Variants in PLEKHG3 observed in about 807,000 individuals in gnomAD.
PLEKHG3 encodes pleckstrin homology and RhoGEF domain containing G3, also known as pleckstrin homology domain-containing family G member 3.
A neutral mutation model predicts 94.9 loss-of-function variants in PLEKHG3; 62 were observed. That is an observed-to-expected ratio of 0.65 (90% CI 0.53 to 0.81). The LOEUF (loss-of-function observed/expected upper bound fraction) is 0.81, where lower values mean the gene tolerates loss of function less well. Ranked by LOEUF, PLEKHG3 falls within the 30% of genes least tolerant of loss-of-function variation. The pLI is 0.00. For missense variants in PLEKHG3, 1,461 were observed against 1,619.3 expected, an observed-to-expected ratio of 0.90 and a Z score of 1.68; for synonymous variants, 614 against 654.0, an observed-to-expected ratio of 0.94 and a Z score of 0.93.
Position 64,749,216 on chromosome 14 carries a change from C to CGACCGGCG in PLEKHG3, c.*5515_*5522dup. On this transcript the variant is annotated 3_prime_UTR_variant, in exon 17 of 17. Transcript: ENST00000247226. The surrounding 1 kb of genome is among the most constrained non-coding windows in gnomAD (Gnocchi z 4.7). ...GCCCGCGACTCGACTCATCTCGATT[C>CGACCGGCG]GACCGGCGGGCGGCGGCGAGAGGAG... The CGACCGGCG allele has an allele frequency of 6.8e-7, 1 of 1,473,666 alleles. No individual in the cohort carries two copies. Among genetic ancestry groups the CGACCGGCG allele is most frequent in the South Asian group, 1.2e-5 (1 of 82,380 alleles). 91.3% of individuals were successfully genotyped at this position (1,473,666 alleles called of 1,614,324 possible).
In PLEKHG3 at chr14:64,720,072, T is replaced by C. The variant is rs926591374; in HGVS notation, c.-39-7521T>C. Among the ~76,000 whole-genome samples, 1 of 152,236 alleles carries C rather than the reference T, an allele frequency of 6.6e-6. No homozygotes were observed. The highest frequency in any genetic ancestry group is 1.5e-5 in the Non-Finnish European group (1 of 68,038). Reference sequence around the variant, plus strand: ...ACTGGCTGTGAACAAGAGCAATTTATAATAAACAATACTTGCCCCCATTTG... The same window carrying C: ...ACTGGCTGTGAACAAGAGCAATTTACAATAAACAATACTTGCCCCCATTTG... On this transcript the variant is annotated intron_variant, in intron 1 of 16. Transcript: ENST00000247226. This position sits in a 1 kb window ranked among gnomAD's most constrained non-coding sequence, Gnocchi z 4.1.
rs2081167558 is a variant in PLEKHG3, at chr14:64,716,603, A to G, written c.-39-10990A>G. Reference sequence around the variant, plus strand: ...CTGATGTTTCCTTTTCCCAGAATCCACAGAGGGTGGTTGTTTTGGATCAAA... The same window carrying G: ...CTGATGTTTCCTTTTCCCAGAATCCGCAGAGGGTGGTTGTTTTGGATCAAA... On this transcript the variant is annotated intron_variant, in intron 1 of 16. Transcript: ENST00000247226. The surrounding 1 kb of genome is among the most constrained non-coding windows in gnomAD (Gnocchi z 5.0). Among the ~76,000 whole-genome samples the G allele has an allele frequency of 6.6e-6, 1 of 151,388 alleles. No individual in the cohort carries two copies. Among genetic ancestry groups the G allele is most frequent in the East Asian group, 2.0e-4 (1 of 5,074 alleles).
In PLEKHG3 at chr14:64,742,097, G is replaced by C. The variant is rs768021591; in HGVS notation, c.2580G>C (p.Glu860Asp). Residue 860 changes from glutamate to aspartate, a missense_variant, in exon 16 of 17, where the codon GAG (glutamate) becomes GAC (aspartate). By Grantham distance (45) the Glu-to-Asp change is conservative. Coordinates refer to ENST00000247226, the MANE Select transcript of PLEKHG3 (RefSeq NM_001308147.2). ...ATGAGCTGGGAGCCATCACAGAGGAGTCGGCCACTGCCTCCCCGGAAAGCT... is the reference window on the plus strand; with the variant it reads ...ATGAGCTGGGAGCCATCACAGAGGACTCGGCCACTGCCTCCCCGGAAAGCT... ...EEHELGAITE[E>D]SATASPESSS... 1.9e-6 allele frequency: 3 copies of C among 1,610,238 alleles called. No individual in the cohort carries two copies. The highest frequency in any genetic ancestry group is 2.5e-6 in the Non-Finnish European group (3 of 1,179,654).
intron 1 of PLEKHG3, among the ~76,000 whole-genome samples, chr14:64,707,789 G>C (rs2080995662): frequency 6.6e-6 from 1 of 152,194 alleles, no homozygotes; most frequent in African/African-American, 2.4e-5. Context: ...GACACACCTT[G>C]GTTTCAAATC....
At chr14:64,729,628 G>T (rs1009106637) in intron 3 of PLEKHG3, among the ~76,000 whole-genome samples, 5 of 152,190 alleles carry the variant, frequency 3.3e-5, no homozygotes, top group Non-Finnish European at 5.9e-5. Context: ...CACTGCTCTG[G>T]AGGGGCAGGG....
At position 64,739,716 on chromosome 14, in the gene PLEKHG3, G is replaced by C. The variant is rs560828408; in HGVS notation, c.1518+861G>C. 6.6e-6 allele frequency among the ~76,000 whole-genome samples: 1 copy of C among 152,236 alleles called. No individual in the cohort carries two copies. Among genetic ancestry groups the C allele is most frequent in the Non-Finnish European group, 1.5e-5 (1 of 68,040 alleles). On this transcript the variant is annotated intron_variant, in intron 15 of 16. Transcript: ENST00000247226. The surrounding 1 kb of genome is among the most constrained non-coding windows in gnomAD (Gnocchi z 4.1). ...CTGGGGAGGGCTTGCCCTCTGCTTC[G>C]TAGATGGTGGCTTCTTGCTGTGTCC...
rs745532100 is a variant in PLEKHG3, at chr14:64,742,077, C to A, written c.2560C>A (p.Leu854Met). 3 of 1,608,764 alleles carry A rather than the reference C, an allele frequency of 1.9e-6. No homozygotes were observed. The Admixed American group carries it at 5.0e-5, about 27-fold the overall frequency. ...EPLFILEEHE[L>M]GAITEESATA... is the part of the protein sequence containing the mutation. ...ACTCTTCATCCTGGAGGAGCATGAG[C>A]TGGGAGCCATCACAGAGGAGTCGGC... The change falls in exon 16 of 17, where the codon CTG (leucine) becomes ATG (methionine). Residue 854 changes from leucine (L) to methionine (M), a missense_variant. By Grantham distance (15) the Leu-to-Met change is conservative (BLOSUM62 2). Transcript: ENST00000247226.
rs1054010635 is a variant in PLEKHG3 at position 64,717,723 on chromosome 14, G to A, written c.-39-9870G>A. ...CTAGCTAATGTTCCCTCGATCTCTC[G>A]CTCCTCCTCGAAGCTGTCTCTGAAT... On this transcript the variant is annotated intron_variant, in intron 1 of 16. Transcript: ENST00000247226. The surrounding 1 kb of genome is among the most constrained non-coding windows in gnomAD (Gnocchi z 4.7). 2.0e-5 allele frequency among the ~76,000 whole-genome samples: 3 copies of A among 152,132 alleles called. No individual in the cohort carries two copies. Among genetic ancestry groups the A allele is most frequent in the East Asian group, 3.8e-4 (2 of 5,198 alleles).
chr14:64,749,412 C>G lies in PLEKHG3; in HGVS notation c.*5709C>G. Reference sequence around the variant, plus strand: ...CAGGGGCAGGCTCTGCGCCTTGACGCGGATGCTCTGGGACTCGTTGATGGC... The same window carrying G: ...CAGGGGCAGGCTCTGCGCCTTGACGGGGATGCTCTGGGACTCGTTGATGGC... On this transcript the variant is annotated 3_prime_UTR_variant, in exon 17 of 17. Coordinates refer to ENST00000247226, the MANE Select transcript of PLEKHG3 (RefSeq NM_001308147.2). This position sits in a 1 kb window ranked among gnomAD's most constrained non-coding sequence, Gnocchi z 4.7. 6.2e-7 allele frequency: 1 copy of G among 1,607,496 alleles called. No individual in the cohort carries two copies. The highest frequency in any genetic ancestry group is 8.5e-7 in the Non-Finnish European group (1 of 1,179,702).
rs751853906 is a variant in PLEKHG3, at chr14:64,742,039, A to G, written c.2522A>G (p.Asp841Gly). Residue 841 changes from aspartate to glycine, a missense_variant, in exon 16 of 17, where the codon GAC becomes GGC. Around this residue, in one of 3 missense-constraint regions of PLEKHG3, gnomAD observed 1,201 missense variants for 1,295.5 expected, o/e 0.93. Transcript: ENST00000247226. ...GGCCAGGGCCAGGCCAATGGCTTTG[A>G]CCTGCATGAGCCACTCTTCATCCTG... is the stretch of plus-strand genomic sequence containing the variant. ...GPGQGQANGF[D>G]LHEPLFILEE... 21 of 1,596,938 alleles carry G rather than the reference A, an allele frequency of 1.3e-5. No homozygotes were observed. The African/African-American group carries it at 2.7e-4, about 20-fold the overall frequency.
chr14:64,738,124 C>T lies in PLEKHG3; in HGVS notation c.1405-618C>T, dbSNP rs546773948. The T allele has an allele frequency of 1.2e-4, 155 of 1,300,278 alleles. 3 individuals carry two copies. Among genetic ancestry groups the T allele is most frequent in the Admixed American group, 1.1e-3 (51 of 44,832 alleles). The allele number at this position is 1,300,278 out of a possible 1,614,324, so 80.5% of individuals were successfully genotyped here. On this transcript the variant is annotated intron_variant, in intron 14 of 16. Transcript: ENST00000247226. This position sits in a 1 kb window ranked among gnomAD's most constrained non-coding sequence, Gnocchi z 4.8. The stretch of plus-strand genomic sequence containing the variant: ...GAGGAGGAGCAGGAGGAGAGCCTGG[C>T]GGTGGCGGAGCAGGTAGCCGACTTT...
intron 1 of PLEKHG3, among the ~76,000 whole-genome samples, chr14:64,711,843 G>A (rs1402512915): frequency 3.9e-5 from 6 of 152,154 alleles, no homozygotes; most frequent in Non-Finnish European, 5.9e-5. Flanking sequence ...TTAAAATTTT[G>A]ATGATGAAGT....
chr14:64,731,064 A>G lies in PLEKHG3; in HGVS notation c.744A>G (p.Glu248=), dbSNP rs2081451107. 3.1e-6 allele frequency: 5 copies of G among 1,613,934 alleles called. No homozygotes were observed. The South Asian group carries it at 3.3e-5, about 11-fold the overall frequency. The change falls in exon 7 of 17, where the codon GAA becomes GAG. Residue 248 remains glutamate (E), a synonymous_variant. Transcript: ENST00000247226. The surrounding 1 kb of genome is among the most constrained non-coding windows in gnomAD (Gnocchi z 6.1). Reference sequence around the variant, plus strand: ...AAATTGCCAAGCATTTTGATGAAGAAGAGGATGGCTTTGAGGTGGTGGAGG... The same window carrying G: ...AAATTGCCAAGCATTTTGATGAAGAGGAGGATGGCTTTGAGGTGGTGGAGG... ...LQEIAKHFDE[E]EDGFEVVEDA...
At chr14:64,735,627 A>G (rs1290315494) in intron 12 of PLEKHG3, among the ~76,000 whole-genome samples, 1 of 152,236 alleles carries the variant, frequency 6.6e-6, no homozygotes. Flanking sequence ...AACAAAACAA[A>G]ACAAAACAAA....
Position 64,731,208 on chromosome 14 carries a change from G to T in PLEKHG3, c.849+39G>T. ...GGGACGCTGGGGGAGGGGCAGGGCT[G>T]GGTGGGCCAGGCTTCCGCTGGGAAG... On this transcript the variant is annotated intron_variant, in intron 7 of 16. Transcript: ENST00000247226. This position sits in a 1 kb window ranked among gnomAD's most constrained non-coding sequence, Gnocchi z 6.1. The T allele has an allele frequency of 6.4e-7, 1 of 1,559,526 alleles. No individual in the cohort carries two copies. The highest frequency in any genetic ancestry group is 8.8e-7 in the Non-Finnish European group (1 of 1,137,900).
intron 1 of PLEKHG3, among the ~76,000 whole-genome samples, chr14:64,711,562 C>T (rs891208472): frequency 6.6e-6 from 1 of 152,044 alleles, no homozygotes; most frequent in Non-Finnish European, 1.5e-5. Flanking sequence ...TACAGGCACC[C>T]ACCACCACGT....
chr14:64,731,201 C>T lies in PLEKHG3; in HGVS notation c.849+32C>T. On this transcript the variant is annotated intron_variant, in intron 7 of 16. Coordinates refer to ENST00000247226, the MANE Select transcript of PLEKHG3 (RefSeq NM_001308147.2). The surrounding 1 kb of genome is among the most constrained non-coding windows in gnomAD (Gnocchi z 6.1). ...TGGGGCTGGGACGCTGGGGGAGGGG[C>T]AGGGCTGGGTGGGCCAGGCTTCCGC... is the stretch of plus-strand genomic sequence containing the variant. The T allele has an allele frequency of 6.5e-7, 1 of 1,540,430 alleles. No homozygotes were observed. The highest frequency in any genetic ancestry group is 8.9e-7 in the Non-Finnish European group (1 of 1,118,934).
Position 64,721,787 on chromosome 14 carries a change from C to T in PLEKHG3, c.-39-5806C>T, listed in dbSNP as rs2081266279. On this transcript the variant is annotated intron_variant, in intron 1 of 16. Coordinates refer to ENST00000247226, the MANE Select transcript of PLEKHG3 (RefSeq NM_001308147.2). This position sits in a 1 kb window ranked among gnomAD's most constrained non-coding sequence, Gnocchi z 4.3. The stretch of plus-strand genomic sequence containing the variant: ...TCCCCTAGGAGGGGGTCCTCCCCTC[C>T]CCCAGGAGAGCCCCTAGGGTGCAGG... 2.0e-5 allele frequency among the ~76,000 whole-genome samples: 3 copies of T among 152,076 alleles called. No individual in the cohort carries two copies. Among genetic ancestry groups the T allele is most frequent in the African/African-American group, 7.2e-5 (3 of 41,416 alleles).
rs1178859389 is a variant in PLEKHG3, at chr14:64,746,430, C to G, written c.*2727C>G. On this transcript the variant is annotated 3_prime_UTR_variant, in exon 17 of 17. Transcript: ENST00000247226. This position sits in a 1 kb window ranked among gnomAD's most constrained non-coding sequence, Gnocchi z 4.9. ...CTGTGCCCAACAGGGTTGCATTCCT[C>G]TGCAGCCGCCGCCTCCTCATTTCCT... is the stretch of plus-strand genomic sequence containing the variant. The G allele has an allele frequency of 6.5e-6, 1 of 152,748 alleles. No individual in the cohort carries two copies. Among genetic ancestry groups the G allele is most frequent in the Non-Finnish European group, 1.5e-5 (1 of 68,126 alleles). The allele number at this position is 152,748 out of a possible 1,614,324, so 9.5% of individuals were successfully genotyped here. A position where few individuals can be genotyped will look rare whatever the true frequency, so the allele number is the denominator to read the frequency against.
Sources: allele counts gnomAD v4.1 joint callset (sites outside exome capture counted in the v4.1 genomes callset), GRCh38; gene constraint gnomAD v4.1.1; regional missense constraint gnomAD v4.1.1; non-coding constraint Gnocchi (gnomAD v3.1); transcripts MANE v1.5; gene names NCBI Gene and HGNC (gene_info 2026-07-23, HGNC 2026-07-21).